Variants in PHF21B observed in about 807,000 individuals in gnomAD.
PHF21B encodes the protein PHD finger protein 21B, also known as PHD finger protein 4.
In PHF21B, 22 loss-of-function variants were observed where a neutral mutation model predicts 62.2. That is an observed-to-expected ratio of 0.35 (90% CI 0.25 to 0.51). The LOEUF (loss-of-function observed/expected upper bound fraction) is 0.51, where lower values mean the gene tolerates loss of function less well. Among genes scored for constraint, PHF21B ranks in the 20% least tolerant of loss-of-function variants. The pLI, the probability that PHF21B is intolerant of heterozygous loss-of-function variation, is 0.97. For synonymous variants in PHF21B, 341 were observed against 314.7 expected (o/e 1.08, Z -0.88); for missense variants, 701 against 707.9 (o/e 0.99, Z 0.11).
chr22:44,919,390 T>C (rs761893082), intron 3 of PHF21B, among the ~76,000 whole-genome samples: 3 of 152,208 alleles, frequency 2.0e-5, no homozygotes, highest in Non-Finnish European at 4.4e-5. Context: ...CTTTATCTCA[T>C]CAGCTACTGT....
intron 2 of PHF21B, among the ~76,000 whole-genome samples, chr22:44,966,524 C>T (rs780107465): frequency 1.3e-5 from 2 of 152,102 alleles, no homozygotes; most frequent in Non-Finnish European, 2.9e-5. Flanking sequence ...AAGCCCCTGT[C>T]CCCAGGGAGT....
At chr22:44,954,312 C>T (rs996198826) in intron 2 of PHF21B, among the ~76,000 whole-genome samples, 1 of 152,372 alleles carries the variant, frequency 6.6e-6, no homozygotes, top group East Asian at 1.9e-4. Flanking sequence ...TCTTTGGGGA[C>T]CCAGCGCAGG....
chr22:44,916,294 T>G lies in PHF21B; in HGVS notation c.550A>C (p.Ser184Arg). 1 of 1,607,960 alleles carries G rather than the reference T, an allele frequency of 6.2e-7. No homozygotes were observed. The highest frequency in any genetic ancestry group is 8.5e-7 in the Non-Finnish European group (1 of 1,178,890). ...TGGGCACTCACCTTGTTGTCAGCACTGATGAGGAGGGGCTGGACTTTGATG... is the reference window on the plus strand; with the variant it reads ...TGGGCACTCACCTTGTTGTCAGCACGGATGAGGAGGGGCTGGACTTTGATG... ...DSIKVQPLLI[S>R]ADNKPPPRLL... The change falls in exon 4 of 13, where the codon AGT becomes CGT. Residue 184 changes from serine (S) to arginine (R), a missense_variant. Ser to Arg is a moderately radical substitution (Grantham distance 110). Transcript: ENST00000313237.
chr22:44,936,342 T>C (rs2071846717), intron 2 of PHF21B, among the ~76,000 whole-genome samples: 1 of 152,244 alleles, frequency 6.6e-6, no homozygotes, highest in Non-Finnish European at 1.5e-5. Context: ...GGCCGCAGCC[T>C]CAGGCCGACT....
At chr22:44,913,335 C>T (rs2071377757) in intron 5 of PHF21B, among the ~76,000 whole-genome samples, 1 of 152,166 alleles carries the variant, frequency 6.6e-6, no homozygotes, top group African/African-American at 2.4e-5. Context: ...CCAGAGGAGC[C>T]CCTTTCCCTC....
Position 45,009,325 on chromosome 22 carries a change from G to A in PHF21B, c.54+171C>T. On this transcript the variant is annotated intron_variant, in intron 1 of 12. Transcript: ENST00000313237. This position sits in a 1 kb window ranked among gnomAD's most constrained non-coding sequence, Gnocchi z 5.9. ...GACAGCGCCAGGGGCAGGCGGAGGG[G>A]AGCCCAGAAGGGGGTCCGCGCGTGT... 3.0e-6 allele frequency: 2 copies of A among 677,234 alleles called. No individual in the cohort carries two copies. The highest frequency in any genetic ancestry group is 4.7e-6 in the Non-Finnish European group (2 of 422,012). The allele number at this position is 677,234 out of a possible 1,614,324, so 42.0% of individuals were successfully genotyped here.
At chr22:44,904,956 C>A (rs1367915042) in intron 5 of PHF21B, among the ~76,000 whole-genome samples, 1 of 152,200 alleles carries the variant, frequency 6.6e-6, no homozygotes, top group Non-Finnish European at 1.5e-5. Context: ...GCACATCTGT[C>A]ATTCCGCTGT....
intron 2 of PHF21B, among the ~76,000 whole-genome samples, chr22:44,929,291 C>T (rs151273783): frequency 6.6e-5 from 10 of 152,342 alleles, no homozygotes; most frequent in African/African-American, 1.4e-4. Context: ...GCTGGTTCCA[C>T]GGGCCGCTGC....
intron 2 of PHF21B, among the ~76,000 whole-genome samples, chr22:44,981,666 C>T (rs965259287): frequency 1.3e-5 from 2 of 152,178 alleles, no homozygotes; most frequent in African/African-American, 4.8e-5. Flanking sequence ...AAGCCCTTCA[C>T]CTGTGCTCTC....
At chr22:44,888,206 G>A in intron 9 of PHF21B, 85 bp from the exon 10 acceptor site, 6 of 1,348,556 alleles carry the variant, frequency 4.4e-6, no homozygotes, top group Admixed American at 3.1e-5. Flanking sequence ...CCAGGCAGCT[G>A]TGTCTGACCT....
At chr22:44,967,866 G>C (rs2072559690) in intron 2 of PHF21B, among the ~76,000 whole-genome samples, 1 of 152,216 alleles carries the variant, frequency 6.6e-6, no homozygotes, top group Non-Finnish European at 1.5e-5. Flanking sequence ...GACCTGGACA[G>C]TCTGAGGACG....
chr22:44,896,212 TC>T, intron 5 of PHF21B, 129 bp from the exon 6 acceptor site: 2 of 900,484 alleles, frequency 2.2e-6, no homozygotes, highest in Non-Finnish European at 3.7e-6. Context: ...GGCCTCCAAC[TC>T]CAGATGCCAA....
At chr22:44,958,750 C>T (rs60991004) in intron 2 of PHF21B, among the ~76,000 whole-genome samples, 2,783 of 151,924 alleles carry the variant, frequency 0.018, 91 homozygotes, top group African/African-American at 0.063. Context: ...GAATTACAGG[C>T]GCCTGCCACC....
chr22:44,904,385 A>C (rs1382929782), intron 5 of PHF21B, among the ~76,000 whole-genome samples: 1 of 152,034 alleles, frequency 6.6e-6, no homozygotes, highest in Non-Finnish European at 1.5e-5. Flanking sequence ...CTCTGGCTTC[A>C]TCTATCTTCT....
chr22:44,885,941 G>C lies in PHF21B; in HGVS notation c.1198-3C>G. On this transcript the variant is annotated splice_region_variant and splice_polypyrimidine_tract_variant and intron_variant, in intron 10 of 12. Coordinates refer to ENST00000313237, the MANE Select transcript of PHF21B (RefSeq NM_138415.5). ...ACACCCTCGTCTTTCTTTAAGGCCTGGGGAGCAGACGGGGAGATGAAAAAG... is the reference window on the plus strand; with the variant it reads ...ACACCCTCGTCTTTCTTTAAGGCCTCGGGAGCAGACGGGGAGATGAAAAAG... 1 of 1,613,866 alleles carries C rather than the reference G, an allele frequency of 6.2e-7. No homozygotes were observed. Among genetic ancestry groups the C allele is most frequent in the Non-Finnish European group, 8.5e-7 (1 of 1,179,902 alleles).
intron 2 of PHF21B, among the ~76,000 whole-genome samples, chr22:44,935,661 C>G (rs1401140158): frequency 6.6e-6 from 1 of 152,118 alleles, no homozygotes; most frequent in Non-Finnish European, 1.5e-5. Context: ...ATGGCTCACA[C>G]CTGGCACCTT....
intron 5 of PHF21B, 119 bp from the exon 6 acceptor site, chr22:44,896,202 G>A (rs2071054919): frequency 1.9e-6 from 2 of 1,031,628 alleles, no homozygotes; most frequent in African/African-American, 1.6e-5. Flanking sequence ...TAACCACAGA[G>A]GCCTCCAACT....
At chr22:44,915,348 A>G (rs954879156) in intron 4 of PHF21B, among the ~76,000 whole-genome samples, 1 of 152,272 alleles carries the variant, frequency 6.6e-6, no homozygotes, top group Non-Finnish European at 1.5e-5. Context: ...TGAGGCATCT[A>G]TGTGCCTAGT....
chr22:45,004,572 C>T (rs1432265952), intron 2 of PHF21B, among the ~76,000 whole-genome samples: 5 of 152,198 alleles, frequency 3.3e-5, no homozygotes, highest in Admixed American at 1.3e-4. Flanking sequence ...TGAGAACTGG[C>T]ACTTTACATC....
Sources: gnomAD v4.1 joint callset for allele counts (sites outside exome capture counted in the v4.1 genomes callset) on GRCh38, gnomAD v4.1.1 for gene constraint, Gnocchi (gnomAD v3.1) non-coding constraint, MANE v1.5 for transcripts, NCBI Gene and HGNC (gene_info 2026-07-23, HGNC 2026-07-21) for gene names.